ZNF132: variants seen among roughly 807,000 people sequenced by gnomAD.
The protein encoded by ZNF132 is zinc finger protein 132, also known as zinc finger protein 132 (clone pHZ-12).
A neutral mutation model predicts 9.3 loss-of-function variants in ZNF132; 6 were observed. The ratio of observed to expected loss-of-function variants is 0.65; its 90% CI spans 0.35 to 1.28. ZNF132 has a LOEUF of 1.28. Ranked by LOEUF, ZNF132 falls within the 50% of genes most tolerant of loss-of-function variation. ZNF132 has a pLI of 0.03. For synonymous variants in ZNF132, 296 were observed against 292.0 expected, an observed-to-expected ratio of 1.01 and a Z score of -0.14; for missense variants, 877 against 843.2, an observed-to-expected ratio of 1.04 and a Z score of -0.50.
chr19:58,439,494 A>C (rs2052790214), intron 1 of ZNF132, among the ~76,000 whole-genome samples: 6 of 152,228 alleles, frequency 3.9e-5, no homozygotes, highest in Admixed American at 3.9e-4. Context: ...ACCACTAAAC[A>C]AGGTACACAT....
Position 58,433,786 on chromosome 19 carries a change from G to A in ZNF132, c.1658C>T (p.Ala553Val), listed in dbSNP as rs2052756419. The change falls in exon 3 of 3, where the codon GCT (alanine) becomes GTT (valine). Residue 553 changes from alanine (A) to valine (V), a missense_variant. Ala to Val is a moderately conservative substitution (Grantham distance 64). Coordinates refer to ENST00000254166, the MANE Select transcript of ZNF132 (RefSeq NM_003433.4). ...GTGTTCAATGAGAGTGGAGCTGTGA[G>A]CAAAGGCTTTCCCACACTCACTACA... The part of the protein sequence containing the change: ...YECSECGKAF[A>V]HSSTLIEHWR... 6.2e-6 allele frequency: 10 copies of A among 1,614,032 alleles called. No homozygotes were observed. The highest frequency in any genetic ancestry group is 1.3e-5 in the African/African-American group (1 of 74,992).
In ZNF132 at chr19:58,434,794, T is replaced by C. The variant is rs776664931; in HGVS notation, c.650A>G (p.Gln217Arg). Residue 217 changes from glutamine (Q) to arginine (R), a missense_variant, in exon 3 of 3, where the codon CAG becomes CGG. Coordinates refer to ENST00000254166, the MANE Select transcript of ZNF132 (RefSeq NM_003433.4). ...LLQLQAVDSG[Q>R]KPYSNLGQLP... is the part of the protein sequence containing the mutation. ...CTGCCCAAGATTGGAATATGGCTTCTGCCCACTGTCAACAGCTTGAAGCTG... is the reference window on the plus strand; with the variant it reads ...CTGCCCAAGATTGGAATATGGCTTCCGCCCACTGTCAACAGCTTGAAGCTG... 1 of 1,614,230 alleles carries C rather than the reference T, an allele frequency of 6.2e-7. No homozygotes were observed. The highest frequency in any genetic ancestry group is 1.1e-5 in the South Asian group (1 of 91,088).
Position 58,433,029 on chromosome 19 carries a change from C to G in ZNF132, c.*294G>C. 5.2e-6 allele frequency: 2 copies of G among 386,324 alleles called. No individual in the cohort carries two copies. Among genetic ancestry groups the G allele is most frequent in the South Asian group, 3.7e-5 (1 of 26,708 alleles). 23.9% of individuals were successfully genotyped at this position (386,324 alleles called of 1,614,324 possible). A position where few individuals can be genotyped will look rare whatever the true frequency, so the allele number is the denominator to read the frequency against. Reference sequence around the variant, plus strand: ...TTCAGCTGAGCACAGTCCTGAATCCCTAGAGAACACAGGAAGGAAGGCTCA... The same window carrying G: ...TTCAGCTGAGCACAGTCCTGAATCCGTAGAGAACACAGGAAGGAAGGCTCA... On this transcript the variant is annotated 3_prime_UTR_variant, in exon 3 of 3. Coordinates refer to ENST00000254166, the MANE Select transcript of ZNF132 (RefSeq NM_003433.4).
Position 58,433,905 on chromosome 19 carries a change from C to A in ZNF132, c.1539G>T (p.Arg513Ser). ...TCCTACATTCGCTGCACTCATAAGG[C>A]CTTTGCCCAGTATGTACTTTCTGGT... ...IQHQKVHTGQ[R>S]PYECSECRKS... The change falls in exon 3 of 3, where the codon AGG becomes AGT. Residue 513 changes from arginine to serine, a missense_variant. Coordinates refer to ENST00000254166, the MANE Select transcript of ZNF132 (RefSeq NM_003433.4). The A allele has an allele frequency of 6.2e-7, 1 of 1,613,980 alleles. No homozygotes were observed. Among genetic ancestry groups the A allele is most frequent in the Non-Finnish European group, 8.5e-7 (1 of 1,180,000 alleles).
Position 58,434,853 on chromosome 19 carries a change from A to C in ZNF132, c.591T>G (p.Gly197=). Residue 197 remains glycine (G), a synonymous_variant, in exon 3 of 3, where the codon GGT becomes GGG. Transcript: ENST00000254166. ...LSENPFTCRE[G]GKVILGSCDL... ...CACAGCTGCCCAGGATGACCTTCCC[A>C]CCTTCCCTGCAAGTGAAGGGGTTCT... is the stretch of plus-strand genomic sequence containing the variant. 1.2e-6 allele frequency: 2 copies of C among 1,614,140 alleles called. No individual in the cohort carries two copies. The highest frequency in any genetic ancestry group is 1.7e-6 in the Non-Finnish European group (2 of 1,180,010).
chr19:58,437,148 G>A lies in ZNF132; in HGVS notation c.131C>T (p.Ala44Val), dbSNP rs1186443674. The A allele has an allele frequency of 6.2e-7, 1 of 1,614,000 alleles. No individual in the cohort carries two copies. Among genetic ancestry groups the A allele is most frequent in the Non-Finnish European group, 8.5e-7 (1 of 1,180,006 alleles). ...LKSMVTFEDV[A>V]VYFSQEEWEL... ...CCACTCCTCTTGGGAGAAGTATACA[G>A]CCACATCTTCAAAGGTTACCATGCT... The change falls in exon 2 of 3, where the codon GCT becomes GTT. Residue 44 changes from alanine (A) to valine (V), a missense_variant. Coordinates refer to ENST00000254166, the MANE Select transcript of ZNF132 (RefSeq NM_003433.4).
chr19:58,438,875 GTTC>G (rs1276000963), intron 1 of ZNF132, among the ~76,000 whole-genome samples: 2 of 151,776 alleles, frequency 1.3e-5, no homozygotes, highest in African/African-American at 2.4e-5. Context: ...GATTCAAACA[GTTC>G]TTCTGCCTCA....
chr19:58,437,170 T>G lies in ZNF132; in HGVS notation c.109A>C (p.Met37Leu). Residue 37 changes from methionine to leucine, a missense_variant, in exon 2 of 3, where the codon ATG becomes CTG. Met to Leu is a conservative substitution (Grantham distance 15). Coordinates refer to ENST00000254166, the MANE Select transcript of ZNF132 (RefSeq NM_003433.4). ...ACAGCCACATCTTCAAAGGTTACCA[T>G]GCTCTTCAATGTGGGGACAGCTGAG... is the stretch of plus-strand genomic sequence containing the variant. ...CGSAVPTLKS[M>L]VTFEDVAVYF... 1.2e-6 allele frequency: 2 copies of G among 1,612,962 alleles called. No homozygotes were observed. The highest frequency in any genetic ancestry group is 2.7e-5 in the African/African-American group (2 of 74,980).
chr19:58,439,694 C>G lies in ZNF132; in HGVS notation c.63+65G>C, dbSNP rs943111670. 13 of 1,465,116 alleles carry G rather than the reference C, an allele frequency of 8.9e-6. No homozygotes were observed. In the African/African-American group the frequency reaches 1.5e-4, roughly 17 times the overall value. The allele number at this position is 1,465,116 out of a possible 1,614,324, so 90.8% of individuals were successfully genotyped here. On this transcript the variant is annotated intron_variant, in intron 1 of 2. Transcript: ENST00000254166. Reference sequence around the variant, plus strand: ...CCCAGGACACCAACATCCCCTCTATCTGGGCTTCAGGATCCTGAGGGCCGG... The same window carrying G: ...CCCAGGACACCAACATCCCCTCTATGTGGGCTTCAGGATCCTGAGGGCCGG...
chr19:58,436,889 G>T (rs1241518700), intron 2 of ZNF132, 158 bp downstream of exon 2: 1 of 970,934 alleles, frequency 1.0e-6, no homozygotes, highest in South Asian at 1.3e-5. Context: ...AGAGACAGGG[G>T]AAGTACACAC....
intron 1 of ZNF132, chr19:58,437,844 T>G (rs1234047953): frequency 1.0e-6 from 1 of 968,534 alleles, no homozygotes; most frequent in Admixed American, 6.2e-5. Context: ...GCCCTGTTCC[T>G]TCAACCATCA....
rs1444965637 is a variant in ZNF132 at position 58,434,484 on chromosome 19, C to T, written c.960G>A (p.Glu320=). The T allele has an allele frequency of 1.9e-6, 3 of 1,614,126 alleles. No individual in the cohort carries two copies. In the African/African-American group the frequency reaches 4.0e-5, roughly 22 times the overall value. The stretch of plus-strand genomic sequence containing the variant: ...TGAAGGTTTTCCCACATGCAATGCA[C>T]TCATAATATTTTACTTCAGTGTGAA... ...QKFHTEVKYY[E]CIACGKTFNH... is the part of the protein sequence containing the mutation. The change falls in exon 3 of 3, where the codon GAG becomes GAA. Residue 320 remains glutamate (E), a synonymous_variant. Transcript: ENST00000254166.
rs1568596850 is a variant in ZNF132, at chr19:58,434,196, A to G, written c.1248T>C (p.Ser416=). The part of the protein sequence containing the change: ...SQCGKSFSRS[S]ALIQHWRVHT... ...GAACTCTCCAGTGCTGAATGAGAGC[A>G]GAGCTTCGGCTGAAGGATTTACCAC... is the stretch of plus-strand genomic sequence containing the variant. The change falls in exon 3 of 3, where the codon TCT becomes TCC. Residue 416 remains serine, a synonymous_variant. Coordinates refer to ENST00000254166, the MANE Select transcript of ZNF132 (RefSeq NM_003433.4). 1 of 1,614,132 alleles carries G rather than the reference A, an allele frequency of 6.2e-7. No homozygotes were observed. The highest frequency in any genetic ancestry group is 8.5e-7 in the Non-Finnish European group (1 of 1,180,026).
Position 58,433,707 on chromosome 19 carries a change from G to C in ZNF132, c.1737C>G (p.Phe579Leu). ...RPYECNECGKFFSQNSILIKH... is the reference protein window; with the variant it reads ...RPYECNECGKLFSQNSILIKH... ...TAATGAGAATGGAGTTTTGGCTAAA[G>C]AATTTCCCACATTCATTGCACTCAT... The change falls in exon 3 of 3, where the codon TTC (phenylalanine) becomes TTG (leucine). Residue 579 changes from phenylalanine to leucine, a missense_variant. Phe to Leu is a conservative substitution (Grantham distance 22). Transcript: ENST00000254166. 1.2e-6 allele frequency: 2 copies of C among 1,612,580 alleles called. No homozygotes were observed. Among genetic ancestry groups the C allele is most frequent in the South Asian group, 2.2e-5 (2 of 91,026 alleles).
In ZNF132 at chr19:58,434,032, C is replaced by T. The variant is rs755239432; in HGVS notation, c.1412G>A (p.Ser471Asn). The part of the protein sequence containing the change: ...CSECGRDFSQ[S>N]SHLLRHQKVH... ...TTTCTGATGTCGAAGGAGATGGGAG[C>T]TTTGGCTGAAGTCTCTTCCACATTC... Residue 471 changes from serine (S) to asparagine (N), a missense_variant, in exon 3 of 3, where the codon AGC (serine) becomes AAC (asparagine). Physicochemically the swap from Ser to Asn is conservative, Grantham distance 46 (BLOSUM62 1). Transcript: ENST00000254166. 6.2e-7 allele frequency: 1 copy of T among 1,614,154 alleles called. No homozygotes were observed. The highest frequency in any genetic ancestry group is 2.2e-5 in the East Asian group (1 of 44,886).
In ZNF132 at chr19:58,440,062, G is replaced by A. The variant is rs1009316349; in HGVS notation, c.-241C>T. The A allele has an allele frequency of 4.0e-5, 21 of 528,688 alleles. No individual in the cohort carries two copies. Among genetic ancestry groups the A allele is most frequent in the African/African-American group, 1.4e-4 (7 of 49,498 alleles). The allele number at this position is 528,688 out of a possible 1,614,324, so 32.7% of individuals were successfully genotyped here. ...GGCACTATGGTGCGTGTGAAGGCGC[G>A]GTGACGGTCCCTGCACCCACTCCCG... is the stretch of plus-strand genomic sequence containing the variant. On this transcript the variant is annotated 5_prime_UTR_variant, in exon 1 of 3. Coordinates refer to ENST00000254166, the MANE Select transcript of ZNF132 (RefSeq NM_003433.4).
chr19:58,437,035 A>G lies in ZNF132; in HGVS notation c.232+12T>C, dbSNP rs2052777195. 6.2e-7 allele frequency: 1 copy of G among 1,614,030 alleles called. No individual in the cohort carries two copies. Among genetic ancestry groups the G allele is most frequent in the African/African-American group, 1.3e-5 (1 of 74,920 alleles). On this transcript the variant is annotated intron_variant, in intron 2 of 2. Transcript: ENST00000254166. ...ATAAGGTAGTCATCACCATGCTGAG[A>G]CAGGGCATTACCAAGTGAGGTCACA...
At chr19:58,435,742 C>T (rs2052769650) in intron 2 of ZNF132, 1 of 155,834 alleles carries the variant, frequency 6.4e-6, no homozygotes. Context: ...AAAACATCCA[C>T]ACAAAAATGT....
intron 2 of ZNF132, chr19:58,436,399 G>GCTCA (rs1044891170): frequency 4.5e-5 from 7 of 154,532 alleles, no homozygotes; most frequent in African/African-American, 7.2e-5. Flanking sequence ...GGGCGTGGTG[G>GCTCA]CTCACGCCTG....
Sources: gnomAD v4.1 joint callset for allele counts (sites outside exome capture counted in the v4.1 genomes callset) on GRCh38, gnomAD v4.1.1 for gene constraint, MANE v1.5 for transcripts, NCBI Gene and HGNC (gene_info 2026-07-23, HGNC 2026-07-21) for gene names.